EYA4: variants seen among roughly 807,000 people sequenced by gnomAD.
EYA4 encodes protein phosphatase EYA4.
In EYA4, 31 loss-of-function variants were observed where a neutral mutation model predicts 87.9. The ratio of observed to expected loss-of-function variants is 0.35; its 90% CI spans 0.27 to 0.48. The LOEUF is 0.48. EYA4 is among the 20% of genes least tolerant of loss of function. The pLI, the probability that EYA4 is intolerant of heterozygous loss-of-function variation, is 0.99. For missense variants in EYA4, 678 were observed against 761.4 expected, an observed-to-expected ratio of 0.89 and a Z score of 1.29; for synonymous variants, 263 against 270.6, an observed-to-expected ratio of 0.97 and a Z score of 0.28.
chr6:133,463,470 C>T (rs960803866), intron 9 of EYA4, among the ~76,000 whole-genome samples: 1 of 151,134 alleles, frequency 6.6e-6, no homozygotes, highest in Non-Finnish European at 1.5e-5. Flanking sequence ...AAGCGATTCT[C>T]CTGCCTCAGC....
chr6:133,485,217 T>G (rs1796586766), intron 13 of EYA4, among the ~76,000 whole-genome samples: 1 of 152,182 alleles, frequency 6.6e-6, no homozygotes, highest in Admixed American at 6.5e-5. Flanking sequence ...CAAGTTTTAT[T>G]TTTCCAAAGT....
chr6:133,512,169 T>C (rs1186577916), intron 14 of EYA4, among the ~76,000 whole-genome samples: 1 of 152,202 alleles, frequency 6.6e-6, no homozygotes, highest in African/African-American at 2.4e-5. Context: ...TTACCCTTTT[T>C]CTGTGTCAAA....
At position 133,528,928 on chromosome 6, in the gene EYA4, A is replaced by G; in HGVS notation, c.*123A>G. 6.4e-7 allele frequency: 1 copy of G among 1,566,084 alleles called. No individual in the cohort carries two copies. Among genetic ancestry groups the G allele is most frequent in the Non-Finnish European group, 8.7e-7 (1 of 1,154,756 alleles). On this transcript the variant is annotated 3_prime_UTR_variant, in exon 20 of 20. Transcript: ENST00000355286. ...TAATGGATGAAATCATATTTGGAAT[A>G]AAAATTCCAGAATGAAGAATTCAGA...
At chr6:133,437,704 G>A (rs985736983) in intron 3 of EYA4, among the ~76,000 whole-genome samples, 18 of 152,116 alleles carry the variant, frequency 1.2e-4, no homozygotes, top group African/African-American at 3.4e-4. Flanking sequence ...AAAGGTGACC[G>A]GGAAGCAAGG....
chr6:133,430,283 G>A (rs1791074087), intron 3 of EYA4, among the ~76,000 whole-genome samples: 1 of 152,148 alleles, frequency 6.6e-6, no homozygotes, highest in South Asian at 2.1e-4. Flanking sequence ...GTGTGTTTAG[G>A]AGATATTTTA....
chr6:133,381,416 G>A (rs1786206717), intron 2 of EYA4, among the ~76,000 whole-genome samples: 1 of 152,058 alleles, frequency 6.6e-6, no homozygotes, highest in African/African-American at 2.4e-5. Context: ...TATCTTCAAA[G>A]CTTAAGACTT....
intron 11 of EYA4, among the ~76,000 whole-genome samples, chr6:133,472,763 T>C (rs1795381874): frequency 8.7e-6 from 1 of 115,472 alleles, no homozygotes. Context: ...ACTTGCTTTA[T>C]GAATCTGGGT....
chr6:133,427,628 A>G (rs1333729179), intron 3 of EYA4, among the ~76,000 whole-genome samples: 2 of 152,150 alleles, frequency 1.3e-5, no homozygotes, highest in Admixed American at 1.3e-4. Context: ...CACGTACTAG[A>G]TATGTGTTAA....
chr6:133,480,685 G>A (rs1326937846), intron 11 of EYA4, among the ~76,000 whole-genome samples: 1 of 152,010 alleles, frequency 6.6e-6, no homozygotes, highest in Admixed American at 6.6e-5. Flanking sequence ...GGATATATTG[G>A]GGCAATTAAC....
chr6:133,434,520 ATAT>A (rs1039315668), intron 3 of EYA4, among the ~76,000 whole-genome samples: 75 of 152,166 alleles, frequency 4.9e-4, no homozygotes, highest in African/African-American at 1.6e-3. Context: ...CTTCCAGAGG[ATAT>A]TATTATCTCC....
chr6:133,458,543 G>A (rs1426889506), intron 6 of EYA4, among the ~76,000 whole-genome samples: 1 of 152,032 alleles, frequency 6.6e-6, no homozygotes, highest in Non-Finnish European at 1.5e-5. Context: ...TTAAAGACTT[G>A]GGCTAATTCT....
At chr6:133,385,387 CTCTCTG>C (rs1372947338) in intron 3 of EYA4, among the ~76,000 whole-genome samples, 3 of 37,370 alleles carry the variant, frequency 8.0e-5, no homozygotes, top group East Asian at 1.1e-3. Context: ...TATGTATGCT[CTCTCTG>C]TGTGTGTGTG....
chr6:133,524,565 T>C (rs564357923), intron 18 of EYA4, among the ~76,000 whole-genome samples: 37 of 152,318 alleles, frequency 2.4e-4, no homozygotes, highest in African/African-American at 8.9e-4. Flanking sequence ...AGGCTAACTC[T>C]CACCCACTTG....
chr6:133,450,652 C>T (rs1234446842), intron 5 of EYA4, among the ~76,000 whole-genome samples: 4 of 152,242 alleles, frequency 2.6e-5, no homozygotes, highest in African/African-American at 7.2e-5. Flanking sequence ...TACAGACACA[C>T]GCCACCACGC....
intron 3 of EYA4, among the ~76,000 whole-genome samples, chr6:133,400,704 AT>A (rs66488617): frequency 0.14 from 21,260 of 151,782 alleles, 2,012 homozygotes; most frequent in East Asian, 0.44. Context: ...TGATTACCTT[AT>A]TTTTTTACAG....
At chr6:133,411,002 C>G (rs1219095738) in intron 3 of EYA4, among the ~76,000 whole-genome samples, 3 of 151,794 alleles carry the variant, frequency 2.0e-5, no homozygotes, top group Non-Finnish European at 4.4e-5. Context: ...CCCACCACCC[C>G]CTGACTTTCT....
At chr6:133,306,832 C>A (rs571772304) in intron 2 of EYA4, among the ~76,000 whole-genome samples, 5 of 152,108 alleles carry the variant, frequency 3.3e-5, no homozygotes, top group African/African-American at 1.2e-4. Flanking sequence ...GACAGAGATC[C>A]TCAGTAAGAA....
intron 2 of EYA4, among the ~76,000 whole-genome samples, chr6:133,338,283 A>T (rs1007854394): frequency 6.6e-6 from 1 of 152,194 alleles, no homozygotes; most frequent in Non-Finnish European, 1.5e-5. Context: ...AATAGAAAAA[A>T]AGGTCACTAC....
At chr6:133,449,925 AACTT>A (rs1793254610) in intron 5 of EYA4, among the ~76,000 whole-genome samples, 1 of 152,190 alleles carries the variant, frequency 6.6e-6, no homozygotes, top group Admixed American at 6.5e-5. Context: ...ATGTTAGATA[AACTT>A]TGATTATTAA....
Sources: gnomAD v4.1 joint callset for allele counts (sites outside exome capture counted in the v4.1 genomes callset) on GRCh38, gnomAD v4.1.1 for gene constraint, MANE v1.5 for transcripts, NCBI Gene and HGNC (gene_info 2026-07-23, HGNC 2026-07-21) for gene names.